Variants in UBE2H observed in about 807,000 individuals in gnomAD.
UBE2H encodes ubiquitin conjugating enzyme E2 H, also known as ubiquitin-conjugating enzyme E2 H.
In UBE2H, 3 loss-of-function variants were observed where a neutral mutation model predicts 29.0. That is an observed-to-expected ratio of 0.10 (90% CI 0.05 to 0.27). The LOEUF is 0.27. UBE2H is among the 10% of genes least tolerant of loss of function. The probability of loss-of-function intolerance (pLI) is 1.00; values close to 1 mark genes in which losing one functional copy is unlikely to be tolerated. For missense variants in UBE2H, 68 were observed against 228.2 expected, an observed-to-expected ratio of 0.30 and a Z score of 4.52; for synonymous variants, 69 against 82.9, an observed-to-expected ratio of 0.83 and a Z score of 0.91.
At chr7:129,947,219 T>A (rs1807782447) in intron 1 of UBE2H, among the ~76,000 whole-genome samples, 1 of 152,382 alleles carries the variant, frequency 6.6e-6, no homozygotes, top group East Asian at 1.9e-4. Flanking sequence ...CTTACTCATG[T>A]AGGTTCCTGC....
chr7:129,921,809 A>C (rs562122595), intron 1 of UBE2H, among the ~76,000 whole-genome samples: 15 of 151,896 alleles, frequency 9.9e-5, no homozygotes, highest in Non-Finnish European at 2.1e-4. Context: ...AACTTTGTCT[A>C]ATTACTGTTG....
At chr7:129,835,663 C>T (rs546024496) in intron 6 of UBE2H, among the ~76,000 whole-genome samples, 6 of 152,252 alleles carry the variant, frequency 3.9e-5, no homozygotes, top group East Asian at 1.9e-4. Flanking sequence ...GGTAGATTTC[C>T]GCTGCTACAG....
chr7:129,879,831 G>A (rs572458748), intron 2 of UBE2H, among the ~76,000 whole-genome samples, 189 bp from the exon 3 acceptor site: 1 of 152,206 alleles, frequency 6.6e-6, no homozygotes, highest in African/African-American at 2.4e-5. Flanking sequence ...GAAAGATCCA[G>A]AGTTAAAAAA....
chr7:129,891,031 G>C (rs867039880), intron 1 of UBE2H, among the ~76,000 whole-genome samples: 1 of 151,778 alleles, frequency 6.6e-6, no homozygotes, highest in East Asian at 2.0e-4. Context: ...AGCTACTTGG[G>C]AGGCTGAGGC....
chr7:129,868,582 G>A (rs1452152859), intron 3 of UBE2H, among the ~76,000 whole-genome samples: 1 of 60,964 alleles, frequency 1.6e-5, no homozygotes, highest in Non-Finnish European at 2.9e-5. Context: ...GCGAGACTCC[G>A]TCTCAAAAAA....
At chr7:129,897,800 A>C (rs1806628716) in intron 1 of UBE2H, among the ~76,000 whole-genome samples, 1 of 152,242 alleles carries the variant, frequency 6.6e-6, no homozygotes, top group African/African-American at 2.4e-5. Flanking sequence ...GTGTTTAAAA[A>C]AATCAAAAAG....
Position 129,952,707 on chromosome 7 carries a change from C to G in UBE2H, c.-152G>C. On this transcript the variant is annotated 5_prime_UTR_variant, in exon 1 of 7. Transcript: ENST00000355621. ...CCCGTCAGCCGCCGCCGCCGCCCCCCGCACGGGGGAACACCGGGCACTGTC... is the reference window on the plus strand; with the variant it reads ...CCCGTCAGCCGCCGCCGCCGCCCCCGGCACGGGGGAACACCGGGCACTGTC... 2 of 823,492 alleles carry G rather than the reference C, an allele frequency of 2.4e-6. No homozygotes were observed. Among genetic ancestry groups the G allele is most frequent in the Non-Finnish European group, 3.4e-6 (2 of 586,262 alleles). The allele number at this position is 823,492 out of a possible 1,614,324, so 51.0% of individuals were successfully genotyped here.
intron 5 of UBE2H, chr7:129,857,127 T>A (rs1167564994): frequency 6.0e-6 from 1 of 165,848 alleles, no homozygotes; most frequent in Non-Finnish European, 1.3e-5. Context: ...TACTATATCA[T>A]TGCTCTCTCA....
At chr7:129,841,075 T>A (rs1439926802) in intron 5 of UBE2H, among the ~76,000 whole-genome samples, 1 of 152,222 alleles carries the variant, frequency 6.6e-6, no homozygotes, top group East Asian at 1.9e-4. Flanking sequence ...TAGACCAAAA[T>A]GTCAGCAGTG....
intron 3 of UBE2H, among the ~76,000 whole-genome samples, chr7:129,873,425 CTTTTTTTTT>C (rs373132869): frequency 8.1e-6 from 1 of 122,978 alleles, no homozygotes; most frequent in African/African-American, 3.1e-5. Flanking sequence ...ACATCAAATT[CTTTTTTTTT>C]TTTTTTTTTT....
chr7:129,843,889 G>A (rs537678328), intron 5 of UBE2H, among the ~76,000 whole-genome samples: 1 of 152,284 alleles, frequency 6.6e-6, no homozygotes, highest in Non-Finnish European at 1.5e-5. Flanking sequence ...CAAAGCATAG[G>A]TTTTATGTTC....
intron 1 of UBE2H, among the ~76,000 whole-genome samples, chr7:129,891,133 C>CA (rs200458594): frequency 0.21 from 30,818 of 146,062 alleles, 3,765 homozygotes; most frequent in African/African-American, 0.34. Context: ...AAGACTCTCT[C>CA]AAAAAAAAAA....
chr7:129,847,515 C>T (rs914762240), intron 5 of UBE2H, among the ~76,000 whole-genome samples: 1 of 147,622 alleles, frequency 6.8e-6, no homozygotes, highest in African/African-American at 2.5e-5. Flanking sequence ...CCCAGTCTCT[C>T]TTTTTTTTTT....
chr7:129,860,657 A>G (rs1805783169), intron 3 of UBE2H, among the ~76,000 whole-genome samples: 1 of 152,124 alleles, frequency 6.6e-6, no homozygotes, highest in Admixed American at 6.5e-5. Flanking sequence ...CTATACAGCC[A>G]AGGGTAATGA....
At chr7:129,879,881 G>A (rs1806220109) in intron 2 of UBE2H, among the ~76,000 whole-genome samples, 1 of 152,136 alleles carries the variant, frequency 6.6e-6, no homozygotes, top group Non-Finnish European at 1.5e-5. Context: ...TTCTTCAAAA[G>A]TACTAAACAC....
chr7:129,897,335 C>T (rs1486105043), intron 1 of UBE2H, among the ~76,000 whole-genome samples: 1 of 152,186 alleles, frequency 6.6e-6, no homozygotes, highest in Non-Finnish European at 1.5e-5. Flanking sequence ...TTAGAACCCA[C>T]TAGTCTAAAG....
rs543657076 is a variant in UBE2H, at chr7:129,874,591, G to A, written c.205+4977C>T. Among the ~76,000 whole-genome samples, 6 of 152,286 alleles carry A rather than the reference G, an allele frequency of 3.9e-5. No homozygotes were observed. In the South Asian group the frequency reaches 1.2e-3, roughly 32 times the overall value. On this transcript the variant is annotated intron_variant, in intron 3 of 6. Coordinates refer to ENST00000355621, the MANE Select transcript of UBE2H (RefSeq NM_003344.4). ...CCCAAAGTGTTGGGATTACTGGCGT[G>A]AGCCACCACACCCGGCCCTGTATCT... is the stretch of plus-strand genomic sequence containing the variant.
At chr7:129,907,287 A>G (rs1313311110) in intron 1 of UBE2H, among the ~76,000 whole-genome samples, 1 of 152,208 alleles carries the variant, frequency 6.6e-6, no homozygotes, top group African/African-American at 2.4e-5. Flanking sequence ...AACAAGCGGT[A>G]TGACAGCTGT....
chr7:129,854,743 C>T (rs1275127153), intron 5 of UBE2H, among the ~76,000 whole-genome samples: 1 of 152,176 alleles, frequency 6.6e-6, no homozygotes, highest in East Asian at 1.9e-4. Flanking sequence ...AACATGTCTA[C>T]ACAAATACTT....
Sources: allele counts gnomAD v4.1 joint callset (sites outside exome capture counted in the v4.1 genomes callset), GRCh38; gene constraint gnomAD v4.1.1; transcripts MANE v1.5; gene names NCBI Gene and HGNC (gene_info 2026-07-23, HGNC 2026-07-21).